Variants in PCDH7 observed in about 807,000 individuals in gnomAD.
The protein encoded by PCDH7 is protocadherin 7.
A neutral mutation model predicts 58.9 loss-of-function variants in PCDH7; 17 were observed. That is an observed-to-expected ratio of 0.29 (90% CI 0.20 to 0.43). The LOEUF is 0.43. PCDH7 is among the 20% of genes least tolerant of loss of function. The pLI, the probability that PCDH7 is intolerant of heterozygous loss-of-function variation, is 1.00. For synonymous variants in PCDH7, 664 were observed against 616.4 expected, an observed-to-expected ratio of 1.08 and a Z score of -1.14; for missense variants, 1,274 against 1,441.0, an observed-to-expected ratio of 0.88 and a Z score of 1.88.
rs148669061 is a variant in PCDH7 at position 31,092,496 on chromosome 4, G to A, written c.*8-49977G>A. Reference sequence around the variant, plus strand: ...TGAAAGGGCTCCTAGAGATCATCTAGACCAATGGTTCTTAACTGATGTGAG... The same window carrying A: ...TGAAAGGGCTCCTAGAGATCATCTAAACCAATGGTTCTTAACTGATGTGAG... On this transcript the variant is annotated intron_variant, in intron 3 of 3. Coordinates refer to the PCDH7 transcript ENST00000509759. Among the ~76,000 whole-genome samples, 10 of 152,118 alleles carry A rather than the reference G, an allele frequency of 6.6e-5. No homozygotes were observed. The East Asian group carries it at 1.9e-3, about 29-fold the overall frequency.
chr4:31,034,070 G>T (rs1330952319), intron 3 of PCDH7, among the ~76,000 whole-genome samples: 1 of 151,804 alleles, frequency 6.6e-6, no homozygotes, highest in Admixed American at 6.6e-5. Flanking sequence ...CTCCAGCCTG[G>T]GTGACAGAGT....
At chr4:30,761,968 A>G (rs559002731) in intron 1 of PCDH7, among the ~76,000 whole-genome samples, 8 of 152,326 alleles carry the variant, frequency 5.3e-5, no homozygotes, top group African/African-American at 1.9e-4. Context: ...CTTCAACACT[A>G]TGCTTGTTTC....
intron 3 of PCDH7, among the ~76,000 whole-genome samples, chr4:31,090,406 T>C (rs1373316995): frequency 6.6e-6 from 1 of 152,264 alleles, no homozygotes; most frequent in Non-Finnish European, 1.5e-5. Context: ...CATTTATCCT[T>C]TGTGTTACAA....
At chr4:30,781,537 ATT>A (rs753467213) in intron 1 of PCDH7, among the ~76,000 whole-genome samples, 24 of 131,850 alleles carry the variant, frequency 1.8e-4, no homozygotes, top group Admixed American at 2.3e-4. Flanking sequence ...CTATCTCTCT[ATT>A]TTTTTTTTTT....
downstream of PCDH7, among the ~76,000 whole-genome samples, chr4:30,735,862 C>G (rs1047355823): frequency 1.3e-5 from 2 of 152,096 alleles, no homozygotes; most frequent in East Asian, 3.9e-4. Context: ...TTGCAAGATT[C>G]GTGTGAAAAA....
At chr4:30,816,144 T>A (rs1481461994) in intron 1 of PCDH7, among the ~76,000 whole-genome samples, 1 of 152,210 alleles carries the variant, frequency 6.6e-6, no homozygotes, top group Non-Finnish European at 1.5e-5. Flanking sequence ...TTGATTTTTT[T>A]AATAGTAAAT....
At chr4:30,930,550 G>A (rs1351723306) in intron 2 of PCDH7, among the ~76,000 whole-genome samples, 1 of 152,170 alleles carries the variant, frequency 6.6e-6, no homozygotes, top group African/African-American at 2.4e-5. Flanking sequence ...GATAAGTGAC[G>A]TTATCCAAAC....
intron 3 of PCDH7, among the ~76,000 whole-genome samples, chr4:31,082,138 C>T (rs528050657): frequency 9.9e-5 from 15 of 152,262 alleles, no homozygotes; most frequent in Middle Eastern, 3.4e-3. Context: ...AGAAAACAGG[C>T]ACCAAATATT....
intron 1 of PCDH7, among the ~76,000 whole-genome samples, chr4:30,871,536 A>G (rs1735587772): frequency 6.6e-6 from 1 of 152,088 alleles, no homozygotes; most frequent in Non-Finnish European, 1.5e-5. Flanking sequence ...CAGGGCAGCC[A>G]CTTCCCGAAT....
intron 2 of PCDH7, among the ~76,000 whole-genome samples, chr4:30,936,751 A>G (rs1262363102): frequency 4.6e-5 from 7 of 152,048 alleles, no homozygotes; most frequent in Non-Finnish European, 1.0e-4. Context: ...TTACTTCACA[A>G]AAATTGGGAA....
At chr4:30,909,760 TTA>T (rs1429887672) in intron 1 of PCDH7, among the ~76,000 whole-genome samples, 1 of 152,136 alleles carries the variant, frequency 6.6e-6, no homozygotes, top group African/African-American at 2.4e-5. Flanking sequence ...CCAAAGTAAT[TTA>T]TAGATTCAAT....
chr4:30,823,395 G>A (rs79562000), intron 1 of PCDH7, among the ~76,000 whole-genome samples: 3,913 of 152,176 alleles, frequency 0.026, 109 homozygotes, highest in East Asian at 0.12. Flanking sequence ...GGTACTTTTT[G>A]CAGTTCCTTA....
chr4:31,026,092 C>T (rs1373069007), intron 3 of PCDH7, among the ~76,000 whole-genome samples: 2 of 152,190 alleles, frequency 1.3e-5, no homozygotes, highest in Non-Finnish European at 2.9e-5. Flanking sequence ...TTCCAAATAA[C>T]ATTGAGGTCA....
intron 3 of PCDH7, among the ~76,000 whole-genome samples, chr4:31,036,267 C>A (rs1314211739): frequency 3.3e-5 from 5 of 152,068 alleles, no homozygotes; most frequent in African/African-American, 1.2e-4. Flanking sequence ...CTCACTGCAA[C>A]CTCTGCTTCC....
At chr4:30,751,731 G>T (rs979354054) in intron 1 of PCDH7, among the ~76,000 whole-genome samples, 1 of 152,076 alleles carries the variant, frequency 6.6e-6, no homozygotes, top group African/African-American at 2.4e-5. Flanking sequence ...TGATATTGTA[G>T]ATTTCACCTT....
chr4:30,721,739 A>T lies in PCDH7; in HGVS notation c.317A>T (p.Asn106Ile), dbSNP rs1482924170. The T allele has an allele frequency of 7.4e-6, 12 of 1,613,752 alleles. No homozygotes were observed. The highest frequency in any genetic ancestry group is 1.0e-5 in the Non-Finnish European group (12 of 1,180,002). The change falls in exon 1 of 2, where the codon AAC (asparagine) becomes ATC (isoleucine). Residue 106 changes from asparagine to isoleucine, a missense_variant. Coordinates refer to ENST00000361762, the Ensembl canonical transcript of PCDH7. This position sits in a 1 kb window ranked among gnomAD's most constrained non-coding sequence, Gnocchi z 6.7. ...CAGTGTCAGATGATCTTCGACGAGA[A>T]CGAGTGCTTCCTGGACTTCGAGGTG...
At chr4:31,060,140 G>A (rs189376648) in intron 3 of PCDH7, among the ~76,000 whole-genome samples, 1 of 151,800 alleles carries the variant, frequency 6.6e-6, no homozygotes, top group East Asian at 1.9e-4. Flanking sequence ...TAAATCAGTG[G>A]CATCTGGTTG....
intron 3 of PCDH7, among the ~76,000 whole-genome samples, chr4:31,024,276 A>G (rs1754255763): frequency 6.6e-6 from 1 of 152,196 alleles, no homozygotes; most frequent in African/African-American, 2.4e-5. Flanking sequence ...GATATTATTC[A>G]TATTTTACTT....
At chr4:31,125,861 A>G (rs1053033608) in intron 3 of PCDH7, among the ~76,000 whole-genome samples, 2 of 152,224 alleles carry the variant, frequency 1.3e-5, no homozygotes, top group Non-Finnish European at 2.9e-5. Context: ...TTCAATTTGC[A>G]GTGGATTTAT....
Sources: gnomAD v4.1 joint callset for allele counts (sites outside exome capture counted in the v4.1 genomes callset) on GRCh38, gnomAD v4.1.1 for gene constraint, Gnocchi (gnomAD v3.1) non-coding constraint, MANE v1.5 for transcripts, NCBI Gene and HGNC (gene_info 2026-07-23, HGNC 2026-07-21) for gene names.